The following CACNA2D1 variants were observed in gnomAD, a reference collection of about 807,000 sequenced individuals.
The protein encoded by CACNA2D1 is calcium voltage-gated channel auxiliary subunit alpha2delta 1, also known as voltage-dependent calcium channel subunit alpha-2/delta-1.
In CACNA2D1, 53 loss-of-function variants were observed where a neutral mutation model predicts 171.5. The ratio of observed to expected loss-of-function variants is 0.31; its 90% CI spans 0.25 to 0.39. The LOEUF (loss-of-function observed/expected upper bound fraction) is 0.39, where lower values mean the gene tolerates loss of function less well. Ranked by LOEUF, CACNA2D1 falls within the 10% of genes least tolerant of loss-of-function variation. The pLI, the probability that CACNA2D1 is intolerant of heterozygous loss-of-function variation, is 1.00. For missense variants in CACNA2D1, 903 were observed against 1,299.8 expected, an observed-to-expected ratio of 0.69 and a Z score of 4.69; for synonymous variants, 442 against 443.1, an observed-to-expected ratio of 1.00 and a Z score of 0.03.
intron 3 of CACNA2D1, among the ~76,000 whole-genome samples, chr7:82,271,136 T>C (rs528626536): frequency 1.9e-4 from 29 of 152,064 alleles, no homozygotes; most frequent in Non-Finnish European, 3.8e-4. Flanking sequence ...TCCACTACCA[T>C]CCTCTCTCTC....
intron 3 of CACNA2D1, among the ~76,000 whole-genome samples, chr7:82,279,179 A>C (rs1256148230): frequency 6.6e-6 from 1 of 152,220 alleles, no homozygotes; most frequent in Non-Finnish European, 1.5e-5. Context: ...TTCCATTATG[A>C]CTAATAGGTT....
In CACNA2D1 at chr7:81,950,290, T is replaced by G; in HGVS notation, c.*102A>C. 2 of 1,605,872 alleles carry G rather than the reference T, an allele frequency of 1.2e-6. No homozygotes were observed. The highest frequency in any genetic ancestry group is 1.7e-6 in the Non-Finnish European group (2 of 1,174,664). On this transcript the variant is annotated 3_prime_UTR_variant, in exon 39 of 39. Transcript: ENST00000356860. ...GCCATGGAACAGGCCCAGCTAATGT[T>G]TGTCTGATTTTATAGCTGACCCTAC...
chr7:82,339,514 C>G lies in CACNA2D1; in HGVS notation c.178-4263G>C, dbSNP rs563656702. 2.0e-5 allele frequency among the ~76,000 whole-genome samples: 3 copies of G among 152,270 alleles called. No individual in the cohort carries two copies. The East Asian group carries it at 5.8e-4, about 29-fold the overall frequency. ...GAAATATTCTAATGTATGGCCTTGT[C>G]TTTGACTTCTAACCAATTGTATCAG... On this transcript the variant is annotated intron_variant, in intron 2 of 38. Coordinates refer to ENST00000356860, the MANE Select transcript of CACNA2D1 (RefSeq NM_000722.4).
chr7:81,959,402 T>A (rs1381250271), intron 37 of CACNA2D1, 45 bp from the exon 38 acceptor site: 3 of 1,292,034 alleles, frequency 2.3e-6, no homozygotes, highest in Non-Finnish European at 3.4e-6. Context: ...TTTTTTCACA[T>A]GATTAAAAAT....
chr7:81,951,644 C>T (rs1210595742), intron 38 of CACNA2D1, among the ~76,000 whole-genome samples: 6 of 152,070 alleles, frequency 3.9e-5, no homozygotes, highest in African/African-American at 1.4e-4. Flanking sequence ...TCTCCAACTC[C>T]ATCTAGGTTG....
intron 11 of CACNA2D1, among the ~76,000 whole-genome samples, chr7:82,036,453 T>C (rs369893615): frequency 6.6e-6 from 1 of 152,186 alleles, no homozygotes; most frequent in East Asian, 1.9e-4. Flanking sequence ...GAAATAATTT[T>C]CCCTTCCTCT....
chr7:81,972,035 A>G (rs1254726830), intron 25 of CACNA2D1, among the ~76,000 whole-genome samples, 171 bp from the exon 26 acceptor site: 2 of 151,668 alleles, frequency 1.3e-5, no homozygotes, highest in Non-Finnish European at 3.0e-5. Flanking sequence ...CTTGCCTCAC[A>G]GTTTTTCAGG....
At chr7:82,081,539 T>C (rs1211363100) in intron 7 of CACNA2D1, among the ~76,000 whole-genome samples, 1 of 152,226 alleles carries the variant, frequency 6.6e-6, no homozygotes, top group East Asian at 1.9e-4. Flanking sequence ...ATGACCTTCC[T>C]GTAACAGGTA....
intron 6 of CACNA2D1, among the ~76,000 whole-genome samples, chr7:82,101,619 T>A (rs753942320): frequency 2.0e-5 from 3 of 152,210 alleles, no homozygotes; most frequent in Non-Finnish European, 4.4e-5. Context: ...TCCTTTGTGA[T>A]CTTAATGAAA....
intron 6 of CACNA2D1, 60 bp downstream of exon 6, chr7:82,116,984 G>C: frequency 6.3e-7 from 1 of 1,586,028 alleles, no homozygotes; most frequent in Admixed American, 1.7e-5. Flanking sequence ...CTCAAACATG[G>C]GAAACATAAG....
At chr7:81,989,755 T>C (rs1383239193) in intron 21 of CACNA2D1, among the ~76,000 whole-genome samples, 1 of 152,194 alleles carries the variant, frequency 6.6e-6, no homozygotes, top group Non-Finnish European at 1.5e-5. Flanking sequence ...TTTTGCCAAA[T>C]TGCTGTATGC....
In CACNA2D1 at chr7:82,099,419, CTTCTTTTTTTT is replaced by C. The variant is rs1812356050; in HGVS notation, c.527-14530_527-14520del. Among the ~76,000 whole-genome samples the C allele has an allele frequency of 9.1e-4, 46 of 50,528 alleles. 4 individuals carry two copies. Among genetic ancestry groups the C allele is most frequent in the Non-Finnish European group, 1.6e-3 (35 of 22,512 alleles). 33.1% of individuals were successfully genotyped at this position (50,528 alleles called of 152,430 possible). On this transcript the variant is annotated intron_variant, in intron 6 of 38. Coordinates refer to ENST00000356860, the MANE Select transcript of CACNA2D1 (RefSeq NM_000722.4). ...CATACTCTAAAACAGGTAGCAATAC[CTTCTTTTTTTT>C]TTTTTTTTTTTTTTTTTTTTTTTTT...
chr7:82,371,441 T>C (rs1193638681), intron 1 of CACNA2D1, among the ~76,000 whole-genome samples: 1 of 152,210 alleles, frequency 6.6e-6, no homozygotes, highest in Admixed American at 6.5e-5. Context: ...ATAGAAAATG[T>C]TTAAGGCAAT....
chr7:82,090,323 C>T (rs754448842), intron 6 of CACNA2D1, among the ~76,000 whole-genome samples: 15 of 151,920 alleles, frequency 9.9e-5, no homozygotes, highest in Non-Finnish European at 1.3e-4. Context: ...TTAGGACTTA[C>T]TGAAAATATA....
At chr7:82,284,484 TCA>T (rs1810512149) in intron 3 of CACNA2D1, among the ~76,000 whole-genome samples, 2 of 152,116 alleles carry the variant, frequency 1.3e-5, no homozygotes, top group Non-Finnish European at 2.9e-5. Flanking sequence ...CTAGACTGAG[TCA>T]TTTATAAACA....
At chr7:82,404,488 G>T (rs895560243) in intron 1 of CACNA2D1, among the ~76,000 whole-genome samples, 2 of 152,174 alleles carry the variant, frequency 1.3e-5, no homozygotes, top group African/African-American at 4.8e-5. Context: ...TAGGTGAATT[G>T]TTAACTAGCT....
chr7:82,290,342 A>T (rs1462534742), intron 3 of CACNA2D1, among the ~76,000 whole-genome samples: 3 of 152,154 alleles, frequency 2.0e-5, no homozygotes, highest in African/African-American at 7.2e-5. Flanking sequence ...AGACAATTCG[A>T]CAAGGAAACA....
At chr7:82,124,168 A>G (rs1450909433) in intron 5 of CACNA2D1, among the ~76,000 whole-genome samples, 3 of 152,172 alleles carry the variant, frequency 2.0e-5, no homozygotes, top group Non-Finnish European at 4.4e-5. Flanking sequence ...TTTAAATGTT[A>G]GAAAAGAAAC....
At chr7:81,993,244 G>A (rs903106930) in intron 20 of CACNA2D1, among the ~76,000 whole-genome samples, 3 of 152,106 alleles carry the variant, frequency 2.0e-5, no homozygotes, top group African/African-American at 4.8e-5. Flanking sequence ...AATAAATCAG[G>A]TGTAAATAGA....
Sources: gnomAD v4.1 joint callset for allele counts (sites outside exome capture counted in the v4.1 genomes callset) on GRCh38, gnomAD v4.1.1 for gene constraint, MANE v1.5 for transcripts, NCBI Gene and HGNC (gene_info 2026-07-23, HGNC 2026-07-21) for gene names.